PAWR: variants seen among roughly 807,000 people sequenced by gnomAD.
The protein encoded by PAWR is pro-apoptotic WT1 regulator.
Under a neutral mutation model 32.0 loss-of-function variants are expected in PAWR, and 23 were observed. The ratio of observed to expected loss-of-function variants is 0.72; its 90% CI spans 0.52 to 1.02. The LOEUF is 1.02. PAWR is among the 50% of genes least tolerant of loss of function. PAWR has a pLI of 0.00. For missense variants in PAWR, 457 were observed against 437.7 expected (o/e 1.04, Z -0.39); for synonymous variants, 226 against 187.1 (o/e 1.21, Z -1.70).
chr12:79,600,751 T>C (rs1023117276), intron 4 of PAWR, among the ~76,000 whole-genome samples: 2 of 150,268 alleles, frequency 1.3e-5, no homozygotes, highest in Non-Finnish European at 2.9e-5. Flanking sequence ...GGTCTTGGGA[T>C]TACAGGCATA....
At chr12:79,608,405 C>T (rs1231668635) in intron 4 of PAWR, among the ~76,000 whole-genome samples, 1 of 152,144 alleles carries the variant, frequency 6.6e-6, no homozygotes, top group Non-Finnish European at 1.5e-5. Flanking sequence ...CTCGCATGAA[C>T]AGTTCACAAT....
intron 2 of PAWR, among the ~76,000 whole-genome samples, chr12:79,674,794 G>A (rs1022163327): frequency 6.6e-6 from 1 of 151,906 alleles, no homozygotes; most frequent in Non-Finnish European, 1.5e-5. Flanking sequence ...GTAGCAACAA[G>A]CATATGAAAA....
At chr12:79,679,598 A>C (rs983864521) in intron 2 of PAWR, among the ~76,000 whole-genome samples, 1 of 152,180 alleles carries the variant, frequency 6.6e-6, no homozygotes, top group Non-Finnish European at 1.5e-5. Flanking sequence ...CTGAGTATTT[A>C]AGTAAGAGGT....
At position 79,658,505 on chromosome 12, in the gene PAWR, G is replaced by A. The variant is rs527983221; in HGVS notation, c.516+31224C>T. Among the ~76,000 whole-genome samples, 6 of 152,144 alleles carry A rather than the reference G, an allele frequency of 3.9e-5. No individual in the cohort carries two copies. In the South Asian group the frequency reaches 6.2e-4, roughly 16 times the overall value. On this transcript the variant is annotated intron_variant, in intron 2 of 6. Transcript: ENST00000328827. Reference sequence around the variant, plus strand: ...GCCTTGTGTTTGAATAAAAACTTATGTTTACATACAGATGCACATCATCAG... The same window carrying A: ...GCCTTGTGTTTGAATAAAAACTTATATTTACATACAGATGCACATCATCAG...
At chr12:79,678,174 C>T (rs775515806) in intron 2 of PAWR, among the ~76,000 whole-genome samples, 3 of 152,148 alleles carry the variant, frequency 2.0e-5, no homozygotes, top group Admixed American at 6.5e-5. Flanking sequence ...TATCTGCCTC[C>T]GAACAAGACA....
chr12:79,634,440 A>G (rs957678270), intron 2 of PAWR, among the ~76,000 whole-genome samples: 1 of 152,186 alleles, frequency 6.6e-6, no homozygotes, highest in Non-Finnish European at 1.5e-5. Context: ...CCAGTATCTC[A>G]TAATTCTCAC....
At position 79,632,347 on chromosome 12, in the gene PAWR, ATATATATATATATATTT is replaced by A. The variant is rs1566011095; in HGVS notation, c.517-11157_517-11141del. Among the ~76,000 whole-genome samples the A allele has an allele frequency of 8.1e-5, 4 of 49,538 alleles. No individual in the cohort carries two copies. The African/African-American group carries it at 1.5e-3, about 19-fold the overall frequency. 32.5% of individuals were successfully genotyped at this position (49,538 alleles called of 152,430 possible). The stretch of plus-strand genomic sequence containing the variant: ...TATATATATATATATATATATATAT[ATATATATATATATATTT>A]TTTTTTTTTTTTAGACAGGGTCTTG... On this transcript the variant is annotated intron_variant, in intron 2 of 6. Coordinates refer to ENST00000328827, the MANE Select transcript of PAWR (RefSeq NM_002583.4).
intron 6 of PAWR, among the ~76,000 whole-genome samples, chr12:79,593,597 T>C (rs1198879735): frequency 1.3e-5 from 2 of 149,566 alleles, no homozygotes; most frequent in African/African-American, 2.5e-5. Flanking sequence ...GGGGTGGAGG[T>C]TGCAGTGAGC....
chr12:79,611,709 CAG>C lies in PAWR; in HGVS notation c.683+1864_683+1865del, dbSNP rs778157101. ...TTAAGATATTTATAACAATATTAAA[CAG>C]GGGCAAATCTTTGAAAGCTGAAAAG... On this transcript the variant is annotated intron_variant, in intron 4 of 6. Coordinates refer to ENST00000328827, the MANE Select transcript of PAWR (RefSeq NM_002583.4). Among the ~76,000 whole-genome samples the C allele has an allele frequency of 9.2e-5, 14 of 151,832 alleles. 1 individual carries two copies. The highest frequency in any genetic ancestry group is 3.9e-4 in the Admixed American group (6 of 15,234).
At chr12:79,622,237 C>G (rs527316660) in intron 2 of PAWR, among the ~76,000 whole-genome samples, 1 of 152,062 alleles carries the variant, frequency 6.6e-6, no homozygotes, top group South Asian at 2.1e-4. Context: ...GGGTACCAAG[C>G]TTGATAAAGA....
At chr12:79,617,644 G>A (rs1874803660) in intron 3 of PAWR, among the ~76,000 whole-genome samples, 1 of 152,104 alleles carries the variant, frequency 6.6e-6, no homozygotes, top group Non-Finnish European at 1.5e-5. Context: ...TTAGACATAT[G>A]TATAAGGCAC....
chr12:79,658,594 T>C (rs1463464663), intron 2 of PAWR, among the ~76,000 whole-genome samples: 1 of 152,222 alleles, frequency 6.6e-6, no homozygotes, highest in Non-Finnish European at 1.5e-5. Flanking sequence ...AATGCAGATT[T>C]ATGTTATATA....
intron 2 of PAWR, among the ~76,000 whole-genome samples, chr12:79,644,823 A>C (rs1876493875): frequency 6.6e-6 from 1 of 152,156 alleles, no homozygotes; most frequent in Non-Finnish European, 1.5e-5. Flanking sequence ...TCCAAACAAC[A>C]CATCAAAGTG....
intron 4 of PAWR, chr12:79,596,885 G>A (rs1451316675): frequency 9.1e-6 from 4 of 438,564 alleles, no homozygotes; most frequent in Non-Finnish European, 1.6e-5. Flanking sequence ...GTTAAGTAAC[G>A]AACACTGTTC....
At chr12:79,611,346 T>C (rs1248908157) in intron 4 of PAWR, among the ~76,000 whole-genome samples, 1 of 148,968 alleles carries the variant, frequency 6.7e-6, no homozygotes, top group Non-Finnish European at 1.5e-5. Flanking sequence ...TTTTCAGTTA[T>C]ATATATATAA....
At chr12:79,600,060 T>C (rs182910505) in intron 4 of PAWR, among the ~76,000 whole-genome samples, 3 of 152,324 alleles carry the variant, frequency 2.0e-5, no homozygotes, top group Non-Finnish European at 4.4e-5. Context: ...CCAGTGTATC[T>C]CCAAACAACC....
chr12:79,626,801 C>T lies in PAWR; in HGVS notation c.517-5594G>A, dbSNP rs567926052. Among the ~76,000 whole-genome samples, 36 of 152,034 alleles carry T rather than the reference C, an allele frequency of 2.4e-4. 1 individual carries two copies. The South Asian group carries it at 5.8e-3, about 25-fold the overall frequency. On this transcript the variant is annotated intron_variant, in intron 2 of 6. Transcript: ENST00000328827. ...TCCCTTTCCTGTGTCCATGTGTTCT[C>T]ATTGTTCAATTCCCACCTATGAGTG...
intron 2 of PAWR, among the ~76,000 whole-genome samples, chr12:79,647,758 A>G (rs913214490): frequency 6.6e-6 from 1 of 152,198 alleles, no homozygotes; most frequent in Non-Finnish European, 1.5e-5. Context: ...TTGAACATGA[A>G]AAAAAGTATA....
intron 2 of PAWR, among the ~76,000 whole-genome samples, chr12:79,626,426 A>AT (rs1174826273): frequency 6.7e-6 from 1 of 149,922 alleles, no homozygotes; most frequent in Non-Finnish European, 1.5e-5. Context: ...CGCCCGGATC[A>AT]TTTTTTGTAT....
Sources: allele counts gnomAD v4.1 joint callset (sites outside exome capture counted in the v4.1 genomes callset), GRCh38; gene constraint gnomAD v4.1.1; transcripts MANE v1.5; gene names NCBI Gene and HGNC (gene_info 2026-07-23, HGNC 2026-07-21).